NCAPH2: variants seen among roughly 807,000 people sequenced by gnomAD.
NCAPH2 encodes condensin-2 complex subunit H2.
NCAPH2 carries 56 observed loss-of-function variants against 88.6 expected under a neutral mutation model. The observed-to-expected ratio is 0.63, with a 90% CI of 0.51 to 0.79. The LOEUF (loss-of-function observed/expected upper bound fraction) is 0.79, where lower values mean the gene tolerates loss of function less well. Among genes scored for constraint, NCAPH2 ranks in the 30% least tolerant of loss-of-function variants. The pLI, the probability that NCAPH2 is intolerant of heterozygous loss-of-function variation, is 0.00. For missense variants in NCAPH2, 794 were observed against 792.0 expected, an observed-to-expected ratio of 1.00 and a Z score of -0.03; for synonymous variants, 378 against 313.6, an observed-to-expected ratio of 1.21 and a Z score of -2.17.
Position 50,518,641 on chromosome 22 carries a change from T to C in NCAPH2, c.647-8T>C. 1.2e-6 allele frequency: 2 copies of C among 1,601,382 alleles called. No homozygotes were observed. The highest frequency in any genetic ancestry group is 1.7e-6 in the Non-Finnish European group (2 of 1,175,344). On this transcript the variant is annotated splice_polypyrimidine_tract_variant and splice_region_variant and intron_variant, in intron 7 of 19. Transcript: ENST00000420993. ...GGGCTGACCTTGTCTGATCCCTGTC[T>C]CTCCCAGACACCGGGAGGACTGAGG... is the stretch of plus-strand genomic sequence containing the variant.
At chr22:50,519,148 C>T (rs1011098005) in intron 8 of NCAPH2, 42 bp from the exon 9 acceptor site, 48 of 1,526,676 alleles carry the variant, frequency 3.1e-5, no homozygotes, top group African/African-American at 1.2e-4. Flanking sequence ...CGTCTGGTCT[C>T]GGCACTCCTT....
Position 50,522,001 on chromosome 22 carries a change from ACAG to A in NCAPH2, c.1128_1130del (p.Ser376del). The A allele has an allele frequency of 6.2e-7, 1 of 1,614,008 alleles. No homozygotes were observed. The highest frequency in any genetic ancestry group is 8.5e-7 in the Non-Finnish European group (1 of 1,179,964). On this transcript the variant is annotated inframe_deletion, in exon 13 of 20. Coordinates refer to ENST00000420993, the MANE Select transcript of NCAPH2 (RefSeq NM_152299.4). ...TCTTTCACAGATGCAGACCATGCCG[ACAG>A]CAGGCGGCTTCGGCGAAAGGGTCCG...
Position 50,522,663 on chromosome 22 carries a change from C to A in NCAPH2, c.1376-8C>A. The A allele has an allele frequency of 1.2e-6, 2 of 1,613,710 alleles. No homozygotes were observed. The highest frequency in any genetic ancestry group is 2.2e-5 in the South Asian group (2 of 91,082). On this transcript the variant is annotated splice_region_variant and splice_polypyrimidine_tract_variant and intron_variant, in intron 16 of 19. Coordinates refer to ENST00000420993, the MANE Select transcript of NCAPH2 (RefSeq NM_152299.4). Reference sequence around the variant, plus strand: ...TTAGCTGCCCAGCTCACAGCTACCCCTTCCCAGACGCAGTGCCGATGTCCC... The same window carrying A: ...TTAGCTGCCCAGCTCACAGCTACCCATTCCCAGACGCAGTGCCGATGTCCC...
chr22:50,523,908 G>A lies in NCAPH2; in HGVS notation c.*533G>A, dbSNP rs2069202678. On this transcript the variant is annotated 3_prime_UTR_variant, in exon 20 of 20. Transcript: ENST00000420993. ...TGGCTTCAACGTCGTCCCGCTCGGG[G>A]TCCACAGTGATGAAGACAGGCTGCA... 1.2e-6 allele frequency: 2 copies of A among 1,613,760 alleles called. No homozygotes were observed. Among genetic ancestry groups the A allele is most frequent in the Non-Finnish European group, 1.7e-6 (2 of 1,179,948 alleles).
intron 5 of NCAPH2, 53 bp downstream of exon 5, chr22:50,517,862 G>A: frequency 6.2e-7 from 1 of 1,607,458 alleles, no homozygotes; most frequent in Non-Finnish European, 8.5e-7. Flanking sequence ...CACTTTCCCT[G>A]GGGCTGTGTT....
Position 50,523,137 on chromosome 22 carries a change from T to G in NCAPH2, c.1648T>G (p.Cys550Gly). 1.2e-6 allele frequency: 2 copies of G among 1,613,662 alleles called. No homozygotes were observed. The highest frequency in any genetic ancestry group is 1.7e-6 in the Non-Finnish European group (2 of 1,179,874). The change falls in exon 19 of 20, where the codon TGT (cysteine) becomes GGT (glycine). Residue 550 changes from cysteine to glycine, a missense_variant. Physicochemically the swap from Cys to Gly is radical, Grantham distance 159 (BLOSUM62 -3). Coordinates refer to ENST00000420993, the MANE Select transcript of NCAPH2 (RefSeq NM_152299.4). ...GGCTGGCCAGCCGGCCTTCGAGGTG[T>G]GTCGTTCCATGCTGGCCTCCCTGCA... ...LVAGQPAFEV[C>G]RSMLASLQLA...
chr22:50,523,428 C>A lies in NCAPH2; in HGVS notation c.*53C>A. On this transcript the variant is annotated 3_prime_UTR_variant, in exon 20 of 20. Transcript: ENST00000420993. ...GAATGTGTACTGAGGAGCCGTGTGT[C>A]TGCTCCTGGCTGGCCCGGCCTAATA... The A allele has an allele frequency of 6.6e-7, 1 of 1,521,588 alleles. No individual in the cohort carries two copies. Among genetic ancestry groups the A allele is most frequent in the Non-Finnish European group, 8.8e-7 (1 of 1,133,772 alleles). The allele number at this position is 1,521,588 out of a possible 1,614,324, so 94.3% of individuals were successfully genotyped here. A position where few individuals can be genotyped will look rare whatever the true frequency, so the allele number is the denominator to read the frequency against.
intron 1 of NCAPH2, chr22:50,515,618 G>T (rs1025569694): frequency 3.5e-6 from 3 of 856,484 alleles, no homozygotes; most frequent in Admixed American, 3.6e-5. Flanking sequence ...GGATGGTCTC[G>T]ATCTCCTGAC....
chr22:50,511,647 A>ATT (rs131821), intron 1 of NCAPH2, among the ~76,000 whole-genome samples: 43 of 127,672 alleles, frequency 3.4e-4, no homozygotes, highest in Non-Finnish European at 3.7e-4. Context: ...CGCCTGGCTA[A>ATT]TTTTTTTTTT....
intron 1 of NCAPH2, among the ~76,000 whole-genome samples, chr22:50,511,706 C>T (rs144387247): frequency 8.6e-6 from 1 of 115,994 alleles, no homozygotes; most frequent in Non-Finnish European, 1.6e-5. Flanking sequence ...AGTGCAGTGG[C>T]ACAATCTCGG....
At chr22:50,518,523 C>A in intron 7 of NCAPH2, 126 bp from the exon 8 acceptor site, 1 of 1,097,798 alleles carries the variant, frequency 9.1e-7, no homozygotes, top group Non-Finnish European at 1.3e-6. Context: ...CTCCCCCCAG[C>A]CCAAGGCCTG....
intron 9 of NCAPH2, chr22:50,520,561 G>GTT (rs150737593): frequency 1.8e-4 from 25 of 139,510 alleles, no homozygotes; most frequent in South Asian, 6.4e-4. Context: ...GTCCCTGTAG[G>GTT]TTTTTTTTTT....
rs2069183505 is a variant in NCAPH2 at position 50,523,595 on chromosome 22, C to T, written c.*220C>T. The T allele has an allele frequency of 6.2e-7, 1 of 1,612,168 alleles. No homozygotes were observed. The highest frequency in any genetic ancestry group is 1.7e-5 in the Admixed American group (1 of 59,996). On this transcript the variant is annotated 3_prime_UTR_variant, in exon 20 of 20. Transcript: ENST00000420993. ...AAACGCAGCCCGTTTAATGATGGGG[C>T]CCAGACTGCAGTGGCTCAAGACAGG...
chr22:50,518,175 GAAC>G lies in NCAPH2; in HGVS notation c.545_547del (p.Asn182del). 1 of 1,614,126 alleles carries G rather than the reference GAAC, an allele frequency of 6.2e-7. No individual in the cohort carries two copies. Among genetic ancestry groups the G allele is most frequent in the South Asian group, 1.1e-5 (1 of 91,088 alleles). Reference sequence around the variant, plus strand: ...TGGCCAGCCGGAAGGATTTCAGGATGAACACGTGCGTTCCCCACCCCAGAGGGG... The same window carrying G: ...TGGCCAGCCGGAAGGATTTCAGGATGACGTGCGTTCCCCACCCCAGAGGGG... On this transcript the variant is annotated inframe_deletion, in exon 7 of 20. Coordinates refer to ENST00000420993, the MANE Select transcript of NCAPH2 (RefSeq NM_152299.4).
rs748180870 is a variant in NCAPH2 at position 50,523,625 on chromosome 22, T to C, written c.*250T>C. ...ACTGCAGTGGCTCAAGACAGGACACTGCGGAAAGCCGCCATGTGCCGCCGC... is the reference window on the plus strand; with the variant it reads ...ACTGCAGTGGCTCAAGACAGGACACCGCGGAAAGCCGCCATGTGCCGCCGC... On this transcript the variant is annotated 3_prime_UTR_variant, in exon 20 of 20. Transcript: ENST00000420993. 1.5e-5 allele frequency: 24 copies of C among 1,613,508 alleles called. No homozygotes were observed. The highest frequency in any genetic ancestry group is 1.9e-5 in the Non-Finnish European group (23 of 1,180,018).
rs1249176482 is a variant in NCAPH2, at chr22:50,524,310, C to A, written c.*935C>A. The A allele has an allele frequency of 1.2e-6, 2 of 1,602,384 alleles. No individual in the cohort carries two copies. Among genetic ancestry groups the A allele is most frequent in the Non-Finnish European group, 1.7e-6 (2 of 1,179,884 alleles). On this transcript the variant is annotated 3_prime_UTR_variant, in exon 20 of 20. Coordinates refer to ENST00000420993, the MANE Select transcript of NCAPH2 (RefSeq NM_152299.4). The stretch of plus-strand genomic sequence containing the variant: ...GGCCCTGCCTTGACAAAAGCCAGGA[C>A]CTCAGATGCAGGGCCTGGCCTCCCA...
At chr22:50,516,989 G>A (rs1379304446) in intron 2 of NCAPH2, among the ~76,000 whole-genome samples, 1 of 152,234 alleles carries the variant, frequency 6.6e-6, no homozygotes, top group East Asian at 1.9e-4. Flanking sequence ...GGCAGGAGCT[G>A]GGACAGGGCA....
chr22:50,519,653 T>C, intron 9 of NCAPH2: 1 of 1,155,388 alleles, frequency 8.7e-7, no homozygotes, highest in South Asian at 3.4e-5. Context: ...AGGGAGTGTC[T>C]GGAGGCCATT....
Position 50,523,122 on chromosome 22 carries a change from C to G in NCAPH2, c.1633C>G (p.Pro545Ala), listed in dbSNP as rs750166188. ...CTTTGCGGAGCTGGTGGCTGGCCAG[C>G]CGGCCTTCGAGGTGTGTCGTTCCAT... ...CPFAELVAGQ[P>A]AFEVCRSMLA... is the part of the protein sequence containing the mutation. Residue 545 changes from proline (P) to alanine (A), a missense_variant, in exon 19 of 20, where the codon CCG (proline) becomes GCG (alanine). Pro to Ala is a conservative substitution (Grantham distance 27). Coordinates refer to ENST00000420993, the MANE Select transcript of NCAPH2 (RefSeq NM_152299.4). 1.1e-5 allele frequency: 17 copies of G among 1,613,432 alleles called. No individual in the cohort carries two copies. Among genetic ancestry groups the G allele is most frequent in the African/African-American group, 2.7e-5 (2 of 75,040 alleles).
Sources: gnomAD v4.1 joint callset for allele counts (sites outside exome capture counted in the v4.1 genomes callset) on GRCh38, gnomAD v4.1.1 for gene constraint, MANE v1.5 for transcripts, NCBI Gene and HGNC (gene_info 2026-07-23, HGNC 2026-07-21) for gene names.